ADAM22: variants seen among roughly 807,000 people sequenced by gnomAD.
The protein encoded by ADAM22 is disintegrin and metalloproteinase domain-containing protein 22.
In ADAM22, 65 loss-of-function variants were observed where a neutral mutation model predicts 144.6. The observed-to-expected ratio is 0.45, with a 90% CI of 0.37 to 0.55. ADAM22 has a LOEUF of 0.55. Ranked by LOEUF, ADAM22 falls within the 20% of genes least tolerant of loss-of-function variation. The pLI is 0.00. For synonymous variants in ADAM22, 391 were observed against 412.6 expected (o/e 0.95, Z 0.63); for missense variants, 974 against 1,184.9 (o/e 0.82, Z 2.61).
At chr7:88,158,559 C>T (rs1291368027) in intron 22 of ADAM22, among the ~76,000 whole-genome samples, 2 of 152,056 alleles carry the variant, frequency 1.3e-5, no homozygotes, top group Non-Finnish European at 2.9e-5. Context: ...CAAACCCACT[C>T]TTGGACCACA....
Position 88,113,705 on chromosome 7 carries a change from T to TAAATAA in ADAM22, c.474-878_474-877insAATAAA, listed in dbSNP as rs67396318. 2.0e-3 allele frequency among the ~76,000 whole-genome samples: 136 copies of TAAATAA among 67,116 alleles called. 1 individual carries two copies. Among genetic ancestry groups the TAAATAA allele is most frequent in the Middle Eastern group, 6.6e-3 (1 of 152 alleles). 44.0% of individuals were successfully genotyped at this position (67,116 alleles called of 152,430 possible). A position where few individuals can be genotyped will look rare whatever the true frequency, so the allele number is the denominator to read the frequency against. ...TATATATTATAAATAAATAAATAAA[T>TAAATAA]ATATATATATATATATATATATATA... On this transcript the variant is annotated intron_variant, in intron 5 of 31. Transcript: ENST00000413139.
At chr7:87,955,206 G>A (rs1208029434) in intron 2 of ADAM22, among the ~76,000 whole-genome samples, 3 of 152,192 alleles carry the variant, frequency 2.0e-5, no homozygotes, top group African/African-American at 7.2e-5. Context: ...AGGAGGAGAG[G>A]CACTCTGCTT....
At chr7:87,960,113 A>T (rs901860167) in intron 2 of ADAM22, among the ~76,000 whole-genome samples, 1 of 152,198 alleles carries the variant, frequency 6.6e-6, no homozygotes, top group African/African-American at 2.4e-5. Flanking sequence ...CTTGCAGTGG[A>T]TTCCCATATT....
chr7:88,106,373 G>A (rs543562101), intron 4 of ADAM22, among the ~76,000 whole-genome samples: 6 of 152,152 alleles, frequency 3.9e-5, no homozygotes, highest in Non-Finnish European at 7.3e-5. Context: ...GCTTCTGTGG[G>A]ATTATCTCAC....
At chr7:88,159,139 A>ACTTT in intron 22 of ADAM22, among the ~76,000 whole-genome samples, 1 of 152,238 alleles carries the variant, frequency 6.6e-6, no homozygotes, top group Non-Finnish European at 1.5e-5. Flanking sequence ...TGGCACACAA[A>ACTTT]CTAGAAAATC....
intron 2 of ADAM22, among the ~76,000 whole-genome samples, chr7:87,961,823 T>C (rs1003359820): frequency 1.4e-4 from 22 of 152,202 alleles, no homozygotes; most frequent in African/African-American, 5.3e-4. Context: ...GTAAGATGAT[T>C]CAGCATTGGA....
intron 4 of ADAM22, among the ~76,000 whole-genome samples, chr7:88,092,361 A>G (rs972136817): frequency 1.3e-5 from 2 of 152,208 alleles, no homozygotes; most frequent in Non-Finnish European, 2.9e-5. Flanking sequence ...ATACAAATCT[A>G]ACAAACAAAC....
chr7:88,005,782 A>G (rs1489129667), intron 3 of ADAM22, among the ~76,000 whole-genome samples: 1 of 152,220 alleles, frequency 6.6e-6, no homozygotes. Context: ...TTTAAGGGAT[A>G]CTTTTAAGAA....
intron 2 of ADAM22, among the ~76,000 whole-genome samples, chr7:87,967,343 T>G (rs1055822677): frequency 6.6e-6 from 1 of 152,158 alleles, no homozygotes; most frequent in Non-Finnish European, 1.5e-5. Context: ...GGCCATACTT[T>G]AGACTCACAT....
intron 3 of ADAM22, among the ~76,000 whole-genome samples, chr7:88,028,959 G>A (rs1388099799): frequency 6.6e-6 from 1 of 151,858 alleles, no homozygotes; most frequent in Non-Finnish European, 1.5e-5. Flanking sequence ...TATCCATTAA[G>A]CCACTCAATG....
In ADAM22 at chr7:87,934,549, A is replaced by G; in HGVS notation, c.84A>G (p.Ala28=). ...GCCCTCCGGCGCGCTGCGGCCAGGC[A>G]GGTAAGTTAGCCGTCCTCTGTGCCT... ...GTCPPARCGQ[A]GDASLMELEK... is the part of the protein sequence containing the mutation. Residue 28 remains alanine, a splice_region_variant and synonymous_variant, in exon 1 of 32, where the codon GCA becomes GCG. Coordinates refer to ENST00000413139, the MANE Select transcript of ADAM22 (RefSeq NM_001324418.2). 1 of 1,606,586 alleles carries G rather than the reference A, an allele frequency of 6.2e-7. No individual in the cohort carries two copies. The highest frequency in any genetic ancestry group is 8.5e-7 in the Non-Finnish European group (1 of 1,179,148).
At chr7:88,032,240 G>A (rs1411692522) in intron 3 of ADAM22, among the ~76,000 whole-genome samples, 2 of 152,212 alleles carry the variant, frequency 1.3e-5, no homozygotes, top group African/African-American at 2.4e-5. Context: ...TGTGAAAGCG[G>A]CCATTGGGTC....
intron 3 of ADAM22, among the ~76,000 whole-genome samples, chr7:88,021,629 C>G (rs183520243): frequency 7.8e-4 from 118 of 152,166 alleles, no homozygotes; most frequent in African/African-American, 2.7e-3. Flanking sequence ...AGCATTTTTT[C>G]TTCAATGGAC....
rs770237813 is a variant in ADAM22, at chr7:87,935,121, G to A, written c.181G>A (p.Gly61Ser). The change falls in exon 2 of 32, where the codon GGC (glycine) becomes AGC (serine). Residue 61 changes from glycine (G) to serine (S), a missense_variant. Physicochemically the swap from Gly to Ser is moderately conservative, Grantham distance 56. This residue lies in a region of ADAM22 where 240 missense variants were observed against 234.3 expected (regional missense o/e 1.02). Transcript: ENST00000413139. ...ACTGCGCCTCATCTACCGCTCGGGC[G>A]GCGAAGACGAAAGTCGGCACGACGC... ...VPLRLIYRSG[G>S]EDESRHDALD... The A allele has an allele frequency of 3.1e-6, 5 of 1,613,792 alleles. No homozygotes were observed. In the South Asian group the frequency reaches 4.4e-5, roughly 14 times the overall value.
chr7:88,035,322 C>T (rs926837070), intron 3 of ADAM22, among the ~76,000 whole-genome samples: 2 of 152,230 alleles, frequency 1.3e-5, no homozygotes, highest in African/African-American at 4.8e-5. Context: ...GGCTTGGGCC[C>T]TAGATCCAGT....
intron 29 of ADAM22, chr7:88,186,100 C>T (rs192073430): frequency 1.3e-3 from 222 of 166,210 alleles, no homozygotes; most frequent in Middle Eastern, 5.6e-3. Context: ...GCTTGAGACC[C>T]TCTATAGAGA....
chr7:88,048,018 G>C (rs978340840), intron 3 of ADAM22, among the ~76,000 whole-genome samples: 1 of 152,002 alleles, frequency 6.6e-6, no homozygotes. Context: ...TCTGCCACTG[G>C]AATACCTCTC....
At chr7:88,016,875 T>C (rs565689394) in intron 3 of ADAM22, among the ~76,000 whole-genome samples, 26 of 152,282 alleles carry the variant, frequency 1.7e-4, no homozygotes, top group African/African-American at 5.8e-4. Context: ...CCCAACACTT[T>C]GGGAAGCTGA....
chr7:88,186,667 G>T lies in ADAM22; in HGVS notation c.2716G>T (p.Asp906Tyr). 6.2e-7 allele frequency: 1 copy of T among 1,612,248 alleles called. No individual in the cohort carries two copies. The stretch of plus-strand genomic sequence containing the variant: ...CTATAATGTAGCTAAGTGGGTAGAA[G>T]ATGTGAATAAAAACACTGAAGGACC... The part of the protein sequence containing the change: ...RDYNVAKWVE[D>Y]VNKNTEGPYF... The change falls in exon 30 of 32, where the codon GAT becomes TAT. Residue 906 changes from aspartate to tyrosine, a missense_variant. This residue lies in a region of ADAM22 where 734 missense variants were observed against 950.6 expected (regional missense o/e 0.77). Coordinates refer to ENST00000413139, the MANE Select transcript of ADAM22 (RefSeq NM_001324418.2).
Sources: gnomAD v4.1 joint callset for allele counts (sites outside exome capture counted in the v4.1 genomes callset) on GRCh38, gnomAD v4.1.1 for gene constraint, gnomAD v4.1.1 regional missense constraint, MANE v1.5 for transcripts, NCBI Gene and HGNC (gene_info 2026-07-23, HGNC 2026-07-21) for gene names.